The following KCNN2 variants were observed in gnomAD, a reference collection of about 807,000 sequenced individuals.
KCNN2 encodes the protein small conductance calcium-activated potassium channel protein 2.
KCNN2 carries 24 observed loss-of-function variants against 55.5 expected under a neutral mutation model. The observed-to-expected ratio is 0.43, with a 90% confidence interval of 0.31 to 0.61. The LOEUF (loss-of-function observed/expected upper bound fraction) is 0.61. Among genes scored for constraint, KCNN2 ranks in the 20% least tolerant of loss-of-function variants. The pLI is 0.08. For synonymous variants in KCNN2, 431 were observed against 336.1 expected, an observed-to-expected ratio of 1.28 and a Z score of -3.09; for missense variants, 754 against 853.6, an observed-to-expected ratio of 0.88 and a Z score of 1.45.
chr5:114,158,946 C>T (rs149253668), intron 1 of KCNN2, among the ~76,000 whole-genome samples: 58,317 of 151,812 alleles, frequency 0.38, 11,486 homozygotes, highest in East Asian at 0.72. Context: ...ATGTCATCTG[C>T]AAACAGGGAC....
intron 1 of KCNN2, among the ~76,000 whole-genome samples, chr5:114,216,457 C>T (rs150639884): frequency 6.6e-6 from 1 of 152,082 alleles, no homozygotes; most frequent in Admixed American, 6.6e-5. Flanking sequence ...TGAGGCATCT[C>T]ACAATGTTGT....
chr5:114,234,921 A>AT (rs1754443988), intron 2 of KCNN2, among the ~76,000 whole-genome samples: 1 of 152,008 alleles, frequency 6.6e-6, no homozygotes, highest in Non-Finnish European at 1.5e-5. Context: ...CTCAGAGAGG[A>AT]TTTTCTGTAT....
At chr5:114,129,714 G>A in intron 1 of KCNN2, among the ~76,000 whole-genome samples, 1 of 152,334 alleles carries the variant, frequency 6.6e-6, no homozygotes, top group Non-Finnish European at 1.5e-5. Flanking sequence ...GTCCTCTATT[G>A]TGTGGCAGCA....
At chr5:114,323,577 C>CT (rs1233388625) in intron 2 of KCNN2, among the ~76,000 whole-genome samples, 3 of 145,348 alleles carry the variant, frequency 2.1e-5, no homozygotes, top group Non-Finnish European at 4.5e-5. Context: ...ATGATTTGTT[C>CT]TTTTCTCTTT....
At chr5:114,324,969 T>C (rs1464054690) in intron 2 of KCNN2, among the ~76,000 whole-genome samples, 2 of 152,128 alleles carry the variant, frequency 1.3e-5, no homozygotes, top group South Asian at 2.1e-4. Flanking sequence ...AGTAAAAATA[T>C]GGATGTTAAA....
chr5:114,363,720 C>A (rs918423716), intron 1 of KCNN2, among the ~76,000 whole-genome samples, 186 bp from the exon 2 acceptor site: 2 of 152,148 alleles, frequency 1.3e-5, no homozygotes, highest in East Asian at 1.9e-4. Flanking sequence ...GGTCTACTCT[C>A]GTCTCTTTTG....
intron 3 of KCNN2, among the ~76,000 whole-genome samples, chr5:114,437,468 CT>C (rs1456327570): frequency 6.6e-6 from 1 of 152,036 alleles, no homozygotes; most frequent in Non-Finnish European, 1.5e-5. Flanking sequence ...AGTCTAGCTT[CT>C]TTTTGTAGTG....
At chr5:114,228,085 T>G (rs1339525877) in intron 2 of KCNN2, among the ~76,000 whole-genome samples, 1 of 152,084 alleles carries the variant, frequency 6.6e-6, no homozygotes, top group Non-Finnish European at 1.5e-5. Context: ...TTCCCATTGA[T>G]GAATGCTTAT....
At chr5:114,294,169 G>A (rs1755957781) in intron 2 of KCNN2, among the ~76,000 whole-genome samples, 1 of 151,986 alleles carries the variant, frequency 6.6e-6, no homozygotes, top group Admixed American at 6.6e-5. Flanking sequence ...ATTTTTTGAA[G>A]GGTTTTTTGT....
At chr5:114,449,835 C>G (rs528016686) in intron 3 of KCNN2, among the ~76,000 whole-genome samples, 5 of 151,322 alleles carry the variant, frequency 3.3e-5, no homozygotes, top group African/African-American at 1.2e-4. Flanking sequence ...CTCCTCAGAT[C>G]TGCTACCTTA....
chr5:114,120,998 G>T (rs1379122207), intron 1 of KCNN2, among the ~76,000 whole-genome samples: 2 of 152,208 alleles, frequency 1.3e-5, no homozygotes, highest in African/African-American at 4.8e-5. Flanking sequence ...GGGGTGTCTT[G>T]TGCCTTGACT....
At chr5:114,133,405 G>T (rs148935629) in intron 1 of KCNN2, among the ~76,000 whole-genome samples, 2 of 152,316 alleles carry the variant, frequency 1.3e-5, no homozygotes, top group East Asian at 3.9e-4. Context: ...TGCATAGGCA[G>T]TGACTAGGCT....
At chr5:114,168,923 G>A (rs184472087) in intron 1 of KCNN2, among the ~76,000 whole-genome samples, 4 of 152,184 alleles carry the variant, frequency 2.6e-5, no homozygotes, top group East Asian at 1.9e-4. Context: ...GTGATCCCAC[G>A]TATTGGAGGT....
At chr5:114,166,781 G>A (rs890385324) in intron 1 of KCNN2, among the ~76,000 whole-genome samples, 2 of 152,092 alleles carry the variant, frequency 1.3e-5, no homozygotes, top group African/African-American at 2.4e-5. Flanking sequence ...GATGGTATTA[G>A]GGGGGTAGGG....
At chr5:114,068,223 A>G (rs929892269) in intron 1 of KCNN2, among the ~76,000 whole-genome samples, 2 of 152,384 alleles carry the variant, frequency 1.3e-5, no homozygotes, top group African/African-American at 2.4e-5. Flanking sequence ...CCTCAAGGTT[A>G]GAGGTCAATA....
At chr5:114,315,453 GTGTGTGTGTGTGTA>G (rs777736727) in intron 2 of KCNN2, among the ~76,000 whole-genome samples, 1 of 115,406 alleles carries the variant, frequency 8.7e-6, no homozygotes, top group Non-Finnish European at 1.7e-5. Context: ...GTGTGTGTGT[GTGTGTGTGTGTGTA>G]TATATATATA....
intron 5 of KCNN2, among the ~76,000 whole-genome samples, chr5:114,475,089 AGAAAAGACAAAGACTTT>A (rs1430969724): frequency 1.3e-5 from 2 of 152,128 alleles, no homozygotes; most frequent in African/African-American, 4.8e-5. Context: ...ACAAAGAGTT[AGAAAAGACAAAGACTTT>A]GAGTACAAAA....
intron 1 of KCNN2, among the ~76,000 whole-genome samples, chr5:114,110,724 A>G (rs1751578747): frequency 6.6e-6 from 1 of 152,018 alleles, no homozygotes; most frequent in Non-Finnish European, 1.5e-5. Context: ...GGGATTTTGA[A>G]TATTCTGGGA....
At chr5:114,122,376 G>T (rs1015254404) in intron 1 of KCNN2, among the ~76,000 whole-genome samples, 2 of 152,140 alleles carry the variant, frequency 1.3e-5, no homozygotes, top group African/African-American at 4.8e-5. Context: ...AAGAGATGGT[G>T]CTTTAACACT....
Sources: allele counts gnomAD v4.1 joint callset (sites outside exome capture counted in the v4.1 genomes callset), GRCh38; gene constraint gnomAD v4.1.1; transcripts MANE v1.5; gene names NCBI Gene and HGNC (gene_info 2026-07-23, HGNC 2026-07-21).